IQCE: variants seen among roughly 807,000 people sequenced by gnomAD.
The protein encoded by IQCE is IQ motif containing E, also known as IQ domain-containing protein E.
Under a neutral mutation model 96.0 loss-of-function variants are expected in IQCE, and 115 were observed. The ratio of observed to expected loss-of-function variants is 1.20; its 90% confidence interval spans 1.03 to 1.40. The LOEUF (loss-of-function observed/expected upper bound fraction) is 1.40, where lower values mean the gene tolerates loss of function less well. Ranked by LOEUF, IQCE falls within the 40% of genes most tolerant of loss-of-function variation. IQCE has a pLI of 0.00. For missense variants in IQCE, 1,041 were observed against 909.1 expected, an observed-to-expected ratio of 1.15 and a Z score of -1.87; for synonymous variants, 412 against 371.2, an observed-to-expected ratio of 1.11 and a Z score of -1.26.
At position 2,587,886 on chromosome 7, in the gene IQCE, G is replaced by T. The variant is rs753416150; in HGVS notation, c.1044+9G>T. The T allele has an allele frequency of 1.9e-6, 3 of 1,613,706 alleles. No individual in the cohort carries two copies. The highest frequency in any genetic ancestry group is 2.5e-6 in the Non-Finnish European group (3 of 1,179,680). ...TTGTGGAGCTGGAGAAGGTGAGCGG[G>T]CGTCTCAGTGCCACTGTCGTTGGGG... On this transcript the variant is annotated intron_variant, in intron 13 of 21. Coordinates refer to ENST00000402050, the MANE Select transcript of IQCE (RefSeq NM_152558.5).
intron 14 of IQCE, among the ~76,000 whole-genome samples, chr7:2,592,564 G>T (rs188647948): frequency 6.6e-6 from 1 of 152,344 alleles, no homozygotes; most frequent in East Asian, 1.9e-4. Context: ...TCGAAGGCCA[G>T]TGTGTGGCCA....
intron 1 of IQCE, 118 bp from the exon 2 acceptor site, chr7:2,566,998 G>T: frequency 1.2e-6 from 1 of 817,264 alleles, no homozygotes. Context: ...CCTCAGAGCT[G>T]GATTTCTGGA....
In IQCE at chr7:2,595,828, C is replaced by T. The variant is rs928570491; in HGVS notation, c.1440+852C>T. Among the ~76,000 whole-genome samples, 5 of 150,894 alleles carry T rather than the reference C, an allele frequency of 3.3e-5. No individual in the cohort carries two copies. The East Asian group carries it at 7.8e-4, about 24-fold the overall frequency. ...GCAGCCATGCTCTGCTCACCATGGC[C>T]GGTGCTGCACTTGCTTCCCTGGAGG... On this transcript the variant is annotated intron_variant, in intron 16 of 21. Transcript: ENST00000402050.
chr7:2,572,302 C>CAT lies in IQCE; in HGVS notation c.371_372dup (p.Leu125IlefsTer30). The stretch of plus-strand genomic sequence containing the variant: ...AGACACCTTCAGAGTGAAGAGGCCA[C>CAT]ATCTCAGGCGCTCTGCCAGCAACGG... On this transcript the variant is annotated frameshift_variant, in exon 5 of 22. Transcript: ENST00000402050. LOFTEE classifies it high-confidence loss of function. 2.5e-6 allele frequency: 4 copies of CAT among 1,614,114 alleles called. No individual in the cohort carries two copies. Among genetic ancestry groups the CAT allele is most frequent in the Non-Finnish European group, 3.4e-6 (4 of 1,179,994 alleles).
chr7:2,569,200 C>T (rs77869294), intron 3 of IQCE, among the ~76,000 whole-genome samples: 2,832 of 152,214 alleles, frequency 0.019, 98 homozygotes, highest in African/African-American at 0.064. Context: ...CTCAGGAGCA[C>T]GTGGAGTCCC....
rs79989743 is a variant in IQCE, at chr7:2,593,694, G to A, written c.1349+568G>A. On this transcript the variant is annotated intron_variant, in intron 15 of 21. Coordinates refer to ENST00000402050, the MANE Select transcript of IQCE (RefSeq NM_152558.5). ...AAATGTCCAGAACGGGCGGACCCAC[G>A]TGACAAGTGCTGCTGCTAGGGGCTG... 6.5e-3 allele frequency among the ~76,000 whole-genome samples: 989 copies of A among 152,376 alleles called. 12 individuals carry two copies. The highest frequency in any genetic ancestry group is 0.023 in the African/African-American group (938 of 41,592).
At chr7:2,586,508 A>G (rs1257557370) in intron 12 of IQCE, 137 bp downstream of exon 12, 2 of 924,952 alleles carry the variant, frequency 2.2e-6, no homozygotes, top group East Asian at 2.7e-5. Context: ...CAGTTCCCAC[A>G]TGTGCCAGCA....
Position 2,607,148 on chromosome 7 carries a change from C to G in IQCE, c.1890C>G (p.Thr630=), listed in dbSNP as rs752181088. ...GTGCTACCGGTAAAAGAACCACCAC[C>G]GCAGCTTCTACCAGGAGGAGATCGG... is the stretch of plus-strand genomic sequence containing the variant. The part of the protein sequence containing the change: ...RHSATGKRTT[T]AASTRRRSAS... Residue 630 remains threonine (T), a synonymous_variant, in exon 21 of 22, where the codon ACC becomes ACG. Transcript: ENST00000402050. 4 of 1,607,936 alleles carry G rather than the reference C, an allele frequency of 2.5e-6. No homozygotes were observed. Among genetic ancestry groups the G allele is most frequent in the African/African-American group, 2.7e-5 (2 of 74,434 alleles).
At chr7:2,602,604 T>C (rs1461374692) in intron 18 of IQCE, among the ~76,000 whole-genome samples, 1 of 152,192 alleles carries the variant, frequency 6.6e-6, no homozygotes, top group East Asian at 1.9e-4. Flanking sequence ...CCCAGGTGCA[T>C]CTGATGTCAG....
At chr7:2,569,025 C>T in intron 3 of IQCE, 26 bp downstream of exon 3, 1 of 1,609,732 alleles carries the variant, frequency 6.2e-7, no homozygotes, top group Non-Finnish European at 8.5e-7. Context: ...CCTGCCTTCC[C>T]TCTCACGCCG....
intron 2 of IQCE, 23 bp downstream of exon 2, chr7:2,567,186 C>T (rs764197699): frequency 7.5e-6 from 12 of 1,607,100 alleles, no homozygotes; most frequent in Admixed American, 6.7e-5. Context: ...GGGTGTCAGC[C>T]GTGCGACCTC....
At chr7:2,595,547 C>T (rs1436464314) in intron 16 of IQCE, among the ~76,000 whole-genome samples, 2 of 152,196 alleles carry the variant, frequency 1.3e-5, no homozygotes, top group South Asian at 2.1e-4. Flanking sequence ...ACTCCCTCAG[C>T]GTGTGTGGAC....
At chr7:2,603,755 G>C (rs1273202210) in intron 18 of IQCE, among the ~76,000 whole-genome samples, 5 of 152,056 alleles carry the variant, frequency 3.3e-5, no homozygotes, top group Non-Finnish European at 1.5e-5. Context: ...CCTTTGCTGA[G>C]CTCTTTTCCC....
chr7:2,594,394 C>T (rs1253286854), intron 15 of IQCE, among the ~76,000 whole-genome samples: 2 of 152,094 alleles, frequency 1.3e-5, no homozygotes, highest in Non-Finnish European at 2.9e-5. Flanking sequence ...CCTTTAGTAC[C>T]TGGAATGAAT....
chr7:2,594,366 GA>G (rs935780077), intron 15 of IQCE, among the ~76,000 whole-genome samples: 12 of 115,664 alleles, frequency 1.0e-4, no homozygotes, highest in Non-Finnish European at 2.1e-4. Flanking sequence ...GTGCAGAAAT[GA>G]ATTTTTTTTT....
At chr7:2,569,125 T>TGGGAATGGGG in intron 3 of IQCE, 126 bp downstream of exon 3, 1 of 863,608 alleles carries the variant, frequency 1.2e-6, no homozygotes, top group Non-Finnish European at 1.9e-6. Context: ...TTGGCCCCAT[T>TGGGAATGGGG]CCCACTGGGG....
intron 1 of IQCE, among the ~76,000 whole-genome samples, chr7:2,565,650 C>T (rs531610262): frequency 5.9e-4 from 90 of 152,302 alleles, no homozygotes; most frequent in Admixed American, 5.9e-3. Context: ...TTTCTGATCC[C>T]CCGCTAACCT....
At position 2,572,296 on chromosome 7, in the gene IQCE, A is replaced by T; in HGVS notation, c.364A>T (p.Arg122Trp). ...DCLTDTFRVK[R>W]PHLRRSASNG... is the part of the protein sequence containing the mutation. Reference sequence around the variant, plus strand: ...TCTGACAGACACCTTCAGAGTGAAGAGGCCACATCTCAGGCGCTCTGCCAG... The same window carrying T: ...TCTGACAGACACCTTCAGAGTGAAGTGGCCACATCTCAGGCGCTCTGCCAG... Residue 122 changes from arginine (R) to tryptophan (W), a missense_variant, in exon 5 of 22, where the codon AGG becomes TGG. Transcript: ENST00000402050. 6.2e-7 allele frequency: 1 copy of T among 1,614,172 alleles called. No homozygotes were observed. Among genetic ancestry groups the T allele is most frequent in the South Asian group, 1.1e-5 (1 of 91,088 alleles).
At chr7:2,586,547 G>T (rs988312539) in intron 12 of IQCE, among the ~76,000 whole-genome samples, 176 bp downstream of exon 12, 1 of 152,264 alleles carries the variant, frequency 6.6e-6, no homozygotes, top group Non-Finnish European at 1.5e-5. Flanking sequence ...ATGCCCCGGG[G>T]ATGGAGCCGC....
Sources: allele counts gnomAD v4.1 joint callset (sites outside exome capture counted in the v4.1 genomes callset), GRCh38; gene constraint gnomAD v4.1.1; transcripts MANE v1.5; gene names NCBI Gene and HGNC (gene_info 2026-07-23, HGNC 2026-07-21).